Variants in NBPF9 observed in about 807,000 individuals in gnomAD.
NBPF9 encodes the protein NBPF family member NBPF9.
A neutral mutation model predicts 97.8 loss-of-function variants in NBPF9; 91 were observed. The observed-to-expected ratio is 0.93, with a 90% CI of 0.79 to 1.11. The LOEUF (loss-of-function observed/expected upper bound fraction) is 1.11, where lower values mean the gene tolerates loss of function less well. Among genes scored for constraint, NBPF9 ranks in the 50% least tolerant of loss-of-function variants. The pLI, the probability that NBPF9 is intolerant of heterozygous loss-of-function variation, is 0.00. For synonymous variants in NBPF9, 334 were observed against 359.5 expected (o/e 0.93, Z 0.80); for missense variants, 992 against 939.5 (o/e 1.06, Z -0.73).
intron 29 of NBPF9, 67 bp from the exon 30 acceptor site, chr1:149,055,966 T>A: frequency 1.2e-6 from 2 of 1,611,562 alleles, no homozygotes; most frequent in Non-Finnish European, 1.7e-6. Flanking sequence ...CCCACTAGAT[T>A]TCAGAAGTAA....
At chr1:149,100,881 C>T (rs868944585) in intron 3 of NBPF9, among the ~76,000 whole-genome samples, 1 of 151,134 alleles carries the variant, frequency 6.6e-6, no homozygotes, top group Non-Finnish European at 1.5e-5. Flanking sequence ...TTGCAGTGAG[C>T]TGAGATCCTG....
chr1:149,055,554 C>G, exon 30 of NBPF9: 2 of 1,566,114 alleles, frequency 1.3e-6, no homozygotes. Context: ...CTGACCCATC[C>G]TATGTCTGGG....
rs587627842 is a variant in NBPF9, at chr1:149,062,810, G to T, written c.2078+52C>A. On this transcript the variant is annotated intron_variant, in intron 21 of 29. Transcript: ENST00000584027. ...CACACTCTTGTTTTCCCTGGACCTG[G>T]CATCTCCAGGTGTCAACACAGAATT... 28 of 731,230 alleles carry T rather than the reference G, an allele frequency of 3.8e-5. 1 individual carries two copies. In the East Asian group the frequency reaches 7.0e-4, roughly 18 times the overall value. The allele number at this position is 731,230 out of a possible 1,614,324, so 45.3% of individuals were successfully genotyped here.
chr1:149,088,387 ATTAAT>A (rs1181726772), intron 5 of NBPF9, among the ~76,000 whole-genome samples: 8 of 152,386 alleles, frequency 5.2e-5, no homozygotes, highest in Non-Finnish European at 7.3e-5. Flanking sequence ...TCAATACTTT[ATTAAT>A]TTTTCTTACT....
chr1:149,070,943 T>C (rs1553652781), exon 16 of NBPF9: 1 of 1,612,446 alleles, frequency 6.2e-7, no homozygotes, highest in African/African-American at 1.3e-5. Flanking sequence ...CCTGGAATAA[T>C]GTGTACAGCA....
At chr1:149,081,886 T>TGGGGAGAGCATTTAGTGTCTC in intron 7 of NBPF9, 79 bp downstream of exon 7, 1 of 919,652 alleles carries the variant, frequency 1.1e-6, no homozygotes, top group Non-Finnish European at 1.7e-6. Context: ...TTATTTTTGA[T>TGGGGAGAGCATTTAGTGTCTC]GGAGAGAGCA....
intron 12 of NBPF9, among the ~76,000 whole-genome samples, chr1:149,075,065 C>T (rs1194496136): frequency 1.3e-5 from 2 of 151,454 alleles, no homozygotes. Context: ...CCGCCTCAGC[C>T]TCCCAAAGTG....
At chr1:149,070,909 G>A (rs1472214176) in intron 16 of NBPF9, 25 bp downstream of exon 16, 7 of 1,610,980 alleles carry the variant, frequency 4.3e-6, no homozygotes, top group African/African-American at 4.0e-5. Context: ...AGAGAGGTAT[G>A]AGACACAAGG....
chr1:149,082,359 C>A (rs375467590), exon 6 of NBPF9: 4 of 1,507,166 alleles, frequency 2.7e-6, no homozygotes, highest in Non-Finnish European at 3.5e-6. Flanking sequence ...CAACTCAGAG[C>A]TGAAAGCACT....
chr1:149,058,847 G>C, intron 26 of NBPF9, 78 bp downstream of exon 26: 1 of 703,618 alleles, frequency 1.4e-6, no homozygotes, highest in Non-Finnish European at 2.6e-6. Context: ...AGGTCAGTAA[G>C]GGCCACTTGG....
intron 14 of NBPF9, 73 bp downstream of exon 14, chr1:149,072,645 T>G: frequency 1.3e-6 from 2 of 1,526,292 alleles, no homozygotes; most frequent in South Asian, 1.1e-5. Context: ...CAACTGTCAT[T>G]GTGAAAGTAT....
exon 4 of NBPF9, chr1:149,098,557 G>C: frequency 1.4e-6 from 2 of 1,463,688 alleles, no homozygotes; most frequent in Non-Finnish European, 1.8e-6. Context: ...TGGACAGTGG[G>C]AATTGGTGGC....
chr1:149,084,173 G>A (rs1305921353), intron 5 of NBPF9, among the ~76,000 whole-genome samples: 3 of 147,866 alleles, frequency 2.0e-5, no homozygotes, highest in Non-Finnish European at 4.5e-5. Context: ...CTGGGGGAGG[G>A]ATAGCATTAG....
intron 14 of NBPF9, 138 bp downstream of exon 14, chr1:149,072,580 A>T: frequency 2.1e-6 from 3 of 1,422,300 alleles, no homozygotes; most frequent in Admixed American, 3.7e-5. Flanking sequence ...CTTACCCAAG[A>T]AGTCCTTGTC....
chr1:149,100,093 G>A (rs76249939), intron 3 of NBPF9, among the ~76,000 whole-genome samples: 1 of 141,106 alleles, frequency 7.1e-6, no homozygotes, highest in East Asian at 2.3e-4. Flanking sequence ...ATTTAGGTAC[G>A]ATCCATAAAG....
intron 12 of NBPF9, among the ~76,000 whole-genome samples, chr1:149,074,373 T>C (rs1553653789): frequency 2.6e-5 from 4 of 151,586 alleles, no homozygotes; most frequent in African/African-American, 4.8e-5. Context: ...TTAAGAATCA[T>C]ATCTGAAGCA....
chr1:149,089,580 G>A (rs2081279972), intron 5 of NBPF9, among the ~76,000 whole-genome samples: 4 of 152,302 alleles, frequency 2.6e-5, no homozygotes, highest in Admixed American at 6.5e-5. Context: ...GAGTGGATCT[G>A]TGGGAAGGAG....
rs587724707 is a variant in NBPF9, at chr1:149,069,192, C to T, written c.1637+402G>A. On this transcript the variant is annotated intron_variant, in intron 17 of 29. Transcript: ENST00000584027. ...GCAGAAAAGATCTAAAATTGACACC[C>T]TAACATCACAATTAAAATAACTAGA... is the stretch of plus-strand genomic sequence containing the variant. 3.3e-5 allele frequency among the ~76,000 whole-genome samples: 5 copies of T among 150,184 alleles called. No individual in the cohort carries two copies. The South Asian group carries it at 8.4e-4, about 25-fold the overall frequency.
chr1:149,056,311 A>T (rs1406051452), intron 29 of NBPF9, among the ~76,000 whole-genome samples: 4 of 125,856 alleles, frequency 3.2e-5, no homozygotes, highest in African/African-American at 9.1e-5. Flanking sequence ...AAGTATGGTC[A>T]ACCTATGGTA....
Sources: gnomAD v4.1 joint callset for allele counts (sites outside exome capture counted in the v4.1 genomes callset) on GRCh38, gnomAD v4.1.1 for gene constraint, MANE v1.5 for transcripts, NCBI Gene and HGNC (gene_info 2026-07-23, HGNC 2026-07-21) for gene names.